NEBL: variants seen among roughly 807,000 people sequenced by gnomAD.
The protein encoded by NEBL is LIM and SH3 protein 2.
A neutral mutation model predicts 140.2 loss-of-function variants in NEBL; 122 were observed. That is an observed-to-expected ratio of 0.87 (90% CI 0.75 to 1.01). NEBL has a LOEUF of 1.01. NEBL is among the 50% of genes least tolerant of loss of function. NEBL has a pLI of 0.00. For synonymous variants in NEBL, 436 were observed against 398.9 expected (o/e 1.09, Z -1.11); for missense variants, 1,365 against 1,231.3 (o/e 1.11, Z -1.62).
At chr10:21,230,883 G>T (rs1379475119) in intron 3 of NEBL, among the ~76,000 whole-genome samples, 1 of 152,068 alleles carries the variant, frequency 6.6e-6, no homozygotes, top group Non-Finnish European at 1.5e-5. Flanking sequence ...GTGATTACAG[G>T]CATGAGCCAC....
At chr10:21,146,463 G>C in intron 2 of NEBL, 1 of 1,613,798 alleles carries the variant, frequency 6.2e-7, no homozygotes, top group Non-Finnish European at 8.5e-7. Context: ...GAAATTTCAG[G>C]TGCCATGCTT....
At chr10:21,270,764 T>A (rs1358023539) in intron 1 of NEBL, among the ~76,000 whole-genome samples, 1 of 152,204 alleles carries the variant, frequency 6.6e-6, no homozygotes. Flanking sequence ...TTATACCTCA[T>A]ACTTCCTACT....
chr10:20,830,397 G>A (rs1199066057), intron 16 of NEBL, among the ~76,000 whole-genome samples: 1 of 151,700 alleles, frequency 6.6e-6, no homozygotes, highest in Non-Finnish European at 1.5e-5. Flanking sequence ...GATATTATTT[G>A]CTAATGAATG....
intron 2 of NEBL, among the ~76,000 whole-genome samples, chr10:21,169,047 T>G: frequency 7.7e-5 from 1 of 12,904 alleles, no homozygotes; most frequent in African/African-American, 3.6e-4. Context: ...AGACTCCGTC[T>G]ACAAAAAAAA....
chr10:21,045,633 A>G (rs997856622), intron 2 of NEBL, among the ~76,000 whole-genome samples: 1 of 152,202 alleles, frequency 6.6e-6, no homozygotes, highest in Non-Finnish European at 1.5e-5. Flanking sequence ...AACATCACCA[A>G]TCATCAGGGA....
intron 2 of NEBL, among the ~76,000 whole-genome samples, chr10:21,092,980 A>G (rs1300266206): frequency 6.6e-6 from 1 of 152,182 alleles, no homozygotes; most frequent in African/African-American, 2.4e-5. Context: ...GTGGACTCAC[A>G]GTATATTTTC....
chr10:21,199,599 C>T (rs1290134547), intron 3 of NEBL, among the ~76,000 whole-genome samples: 6 of 152,276 alleles, frequency 3.9e-5, no homozygotes, highest in Middle Eastern at 6.8e-3. Context: ...GAAGTGACTG[C>T]TTGGACTGAT....
intron 2 of NEBL, among the ~76,000 whole-genome samples, chr10:21,158,179 A>T (rs1840408208): frequency 6.6e-6 from 1 of 152,190 alleles, no homozygotes; most frequent in Non-Finnish European, 1.5e-5. Flanking sequence ...ACCATTCTGC[A>T]CTCATCCATG....
intron 2 of NEBL, among the ~76,000 whole-genome samples, chr10:21,049,610 A>C (rs575439769): frequency 2.0e-5 from 3 of 152,240 alleles, no homozygotes; most frequent in South Asian, 4.1e-4. Flanking sequence ...CAAATGCCAC[A>C]ATCTTCAAAA....
intron 8 of NEBL, among the ~76,000 whole-genome samples, chr10:20,858,768 A>G (rs1843361478): frequency 6.6e-6 from 1 of 152,200 alleles, no homozygotes; most frequent in Non-Finnish European, 1.5e-5. Flanking sequence ...ATATAATACC[A>G]GTAATAATAA....
At chr10:20,831,082 A>G (rs1212869190) in intron 16 of NEBL, 114 bp downstream of exon 16, 2 of 797,380 alleles carry the variant, frequency 2.5e-6, no homozygotes, top group Non-Finnish European at 4.3e-6. Flanking sequence ...GTGAAAGAGT[A>G]CACTAGCTCT....
At chr10:21,083,551 C>T (rs1384627056) in intron 2 of NEBL, among the ~76,000 whole-genome samples, 1 of 152,116 alleles carries the variant, frequency 6.6e-6, no homozygotes, top group Non-Finnish European at 1.5e-5. Flanking sequence ...ATATACCGCT[C>T]CTCTCAGAGA....
At chr10:20,931,392 C>A (rs4747428) in intron 4 of NEBL, among the ~76,000 whole-genome samples, 94,635 of 152,100 alleles carry the variant, frequency 0.62, 29,879 homozygotes, top group Non-Finnish European at 0.67. Context: ...TATATAAATA[C>A]GTTTATAAAT....
chr10:20,950,819 A>T (rs187032223), intron 4 of NEBL, among the ~76,000 whole-genome samples: 243 of 152,374 alleles, frequency 1.6e-3, no homozygotes, highest in African/African-American at 5.2e-3. Context: ...ATCAAAAATG[A>T]CAGTGTTAAG....
At chr10:20,819,841 C>T (rs1468743878) in intron 19 of NEBL, among the ~76,000 whole-genome samples, 4 of 152,056 alleles carry the variant, frequency 2.6e-5, no homozygotes, top group Admixed American at 6.5e-5. Context: ...CCTCCCGACT[C>T]GGCCTCCCAA....
chr10:20,882,612 G>C (rs1373699741), intron 4 of NEBL, among the ~76,000 whole-genome samples: 1 of 152,006 alleles, frequency 6.6e-6, no homozygotes. Flanking sequence ...ATTCTTGTGA[G>C]CTTAAACTCT....
At chr10:21,045,632 A>C (rs373901453) in intron 2 of NEBL, among the ~76,000 whole-genome samples, 13 of 152,348 alleles carry the variant, frequency 8.5e-5, no homozygotes, top group African/African-American at 3.1e-4. Flanking sequence ...CAACATCACC[A>C]ATCATCAGGG....
At chr10:20,789,884 C>T (rs1161492060) in intron 26 of NEBL, among the ~76,000 whole-genome samples, 1 of 147,180 alleles carries the variant, frequency 6.8e-6, no homozygotes, top group African/African-American at 2.6e-5. Context: ...CATACACACA[C>T]ACATATATAT....
intron 2 of NEBL, among the ~76,000 whole-genome samples, chr10:21,101,125 C>T (rs1837457471): frequency 6.6e-6 from 1 of 152,154 alleles, no homozygotes; most frequent in Non-Finnish European, 1.5e-5. Context: ...TGTCTCCTAG[C>T]CACATGACTC....
Sources: gnomAD v4.1 joint callset for allele counts (sites outside exome capture counted in the v4.1 genomes callset) on GRCh38, gnomAD v4.1.1 for gene constraint, MANE v1.5 for transcripts, NCBI Gene and HGNC (gene_info 2026-07-23, HGNC 2026-07-21) for gene names.